ANKRD28: variants seen among roughly 807,000 people sequenced by gnomAD.
The protein encoded by ANKRD28 is ankyrin repeat domain 28.
Under a neutral mutation model 126.5 loss-of-function variants are expected in ANKRD28, and 44 were observed. The ratio of observed to expected loss-of-function variants is 0.35; its 90% CI spans 0.27 to 0.45. The LOEUF (loss-of-function observed/expected upper bound fraction) is 0.45. ANKRD28 is among the 20% of genes least tolerant of loss of function. ANKRD28 has a pLI of 1.00. For missense variants in ANKRD28, 1,110 were observed against 1,316.6 expected (o/e 0.84, Z 2.43); for synonymous variants, 442 against 468.5 (o/e 0.94, Z 0.73).
chr3:15,678,127 G>A, intron 24 of ANKRD28, 82 bp downstream of exon 24: 2 of 1,333,478 alleles, frequency 1.5e-6, no homozygotes, highest in Non-Finnish European at 2.0e-6. Context: ...ATAACTAGTT[G>A]AAGTCAGAAG....
chr3:15,695,112 A>G, intron 16 of ANKRD28, 76 bp downstream of exon 16: 2 of 1,193,868 alleles, frequency 1.7e-6, no homozygotes, highest in Non-Finnish European at 2.5e-6. Context: ...CTCTAATGAG[A>G]GCAAACAGAT....
chr3:15,718,469 C>G (rs909185041), intron 8 of ANKRD28, among the ~76,000 whole-genome samples: 1 of 152,200 alleles, frequency 6.6e-6, no homozygotes, highest in East Asian at 1.9e-4. Context: ...GCATTTTACT[C>G]TAAGTGGGCC....
intron 1 of ANKRD28, among the ~76,000 whole-genome samples, chr3:15,844,730 C>A (rs1238937472): frequency 6.6e-6 from 1 of 151,980 alleles, no homozygotes; most frequent in African/African-American, 2.4e-5. Flanking sequence ...ACAGTCACTG[C>A]ACTTAAATTT....
chr3:15,832,829 T>A (rs2061234700), intron 1 of ANKRD28, among the ~76,000 whole-genome samples: 1 of 152,228 alleles, frequency 6.6e-6, no homozygotes, highest in African/African-American at 2.4e-5. Context: ...TCCAATCTTC[T>A]GTTGATGGAT....
At chr3:15,849,730 G>T (rs1467831371) in intron 1 of ANKRD28, among the ~76,000 whole-genome samples, 1 of 152,032 alleles carries the variant, frequency 6.6e-6, no homozygotes, top group Non-Finnish European at 1.5e-5. Context: ...AAAATTTTCT[G>T]CCCCAGCCAG....
chr3:15,685,333 T>C lies in ANKRD28; in HGVS notation c.2282A>G (p.His761Arg). Residue 761 changes from histidine to arginine, a missense_variant, in exon 21 of 28, where the codon CAC becomes CGC. Coordinates refer to ENST00000683139, the MANE Select transcript of ANKRD28 (RefSeq NM_001349278.2). ...CAAAAGGGCTCCAAGAACACCAATG[T>C]GTCCACAGGCAGCAGACAGGTGTAT... ...TPIHLSAACGHIGVLGALLQS... is the reference protein window; with the variant it reads ...TPIHLSAACGRIGVLGALLQS... The C allele has an allele frequency of 6.2e-7, 1 of 1,614,032 alleles. No homozygotes were observed. The highest frequency in any genetic ancestry group is 8.5e-7 in the Non-Finnish European group (1 of 1,179,888).
intron 1 of ANKRD28, among the ~76,000 whole-genome samples, chr3:15,813,259 G>A (rs755958283): frequency 6.6e-6 from 1 of 151,962 alleles, no homozygotes; most frequent in Non-Finnish European, 1.5e-5. Flanking sequence ...CCAGCTACTC[G>A]GGAGGCTGAG....
chr3:15,805,086 C>CAT (rs1432582339), intron 1 of ANKRD28, among the ~76,000 whole-genome samples: 1 of 145,070 alleles, frequency 6.9e-6, no homozygotes, highest in African/African-American at 2.6e-5. Context: ...AACAGTTACA[C>CAT]ATATGAACTT....
At chr3:15,731,877 G>C (rs1455841071) in intron 6 of ANKRD28, 2 of 94,374 alleles carry the variant, frequency 2.1e-5, no homozygotes, top group Non-Finnish European at 3.9e-5. Flanking sequence ...AAAAAAAAGG[G>C]GGGGGGGGTG....
In ANKRD28 at chr3:15,711,277, A is replaced by G; in HGVS notation, c.1274-3T>C. On this transcript the variant is annotated splice_region_variant and splice_polypyrimidine_tract_variant and intron_variant, in intron 11 of 27. Coordinates refer to ENST00000683139, the MANE Select transcript of ANKRD28 (RefSeq NM_001349278.2). ...ATCTGGGGTATCTATATCAAATCCT[A>G]CAAGAATGAATACATCTTATTTATA... 2 of 1,606,042 alleles carry G rather than the reference A, an allele frequency of 1.2e-6. No individual in the cohort carries two copies. Among genetic ancestry groups the G allele is most frequent in the Non-Finnish European group, 1.7e-6 (2 of 1,173,824 alleles).
At position 15,846,295 on chromosome 3, in the gene ANKRD28, G is replaced by A. The variant is rs2061529235; in HGVS notation, c.27+13082C>T. Among the ~76,000 whole-genome samples the A allele has an allele frequency of 6.6e-6, 1 of 152,144 alleles. No individual in the cohort carries two copies. The highest frequency in any genetic ancestry group is 1.5e-5 in the Non-Finnish European group (1 of 68,026). On this transcript the variant is annotated intron_variant, in intron 1 of 27. Coordinates refer to the ANKRD28 transcript ENST00000399451. The surrounding 1 kb of genome is among the most constrained non-coding windows in gnomAD (Gnocchi z 5.4). The stretch of plus-strand genomic sequence containing the variant: ...ACTGGCCAAAACAAAGAGGCTACTG[G>A]CCCCATGCAAGTCTGAAACCCAGCA...
intron 27 of ANKRD28, among the ~76,000 whole-genome samples, chr3:15,671,422 A>G (rs548590069): frequency 6.6e-6 from 1 of 152,278 alleles, no homozygotes; most frequent in East Asian, 1.9e-4. Context: ...TATAACCACC[A>G]TACAGATTAA....
At chr3:15,767,351 C>T (rs2058786416) in intron 2 of ANKRD28, among the ~76,000 whole-genome samples, 2 of 152,032 alleles carry the variant, frequency 1.3e-5, no homozygotes, top group Admixed American at 6.6e-5. Context: ...AACTTACATC[C>T]CTCATTTTTG....
At chr3:15,736,788 T>C (rs2075044205) in intron 5 of ANKRD28, among the ~76,000 whole-genome samples, 1 of 152,226 alleles carries the variant, frequency 6.6e-6, no homozygotes, top group Non-Finnish European at 1.5e-5. Flanking sequence ...TAATAGAACA[T>C]ACTTTTCCTG....
chr3:15,778,213 A>G (rs2059386957), intron 2 of ANKRD28, among the ~76,000 whole-genome samples: 1 of 152,160 alleles, frequency 6.6e-6, no homozygotes, highest in South Asian at 2.1e-4. Context: ...TGGAGATAGG[A>G]ATCTTGTTTA....
At chr3:15,758,368 T>C (rs1349952264) in intron 3 of ANKRD28, among the ~76,000 whole-genome samples, 1 of 152,176 alleles carries the variant, frequency 6.6e-6, no homozygotes, top group Non-Finnish European at 1.5e-5. Flanking sequence ...TTTCCAACTA[T>C]AATGCTGAAA....
chr3:15,679,798 G>A (rs1213607610), intron 21 of ANKRD28, among the ~76,000 whole-genome samples: 3 of 151,826 alleles, frequency 2.0e-5, no homozygotes, highest in Non-Finnish European at 4.4e-5. Flanking sequence ...CTGTATCCGT[G>A]GGTTCTGCAT....
rs374836369 is a variant in ANKRD28, at chr3:15,786,200, A to C, written c.201+9023T>G. On this transcript the variant is annotated intron_variant, in intron 2 of 27. Coordinates refer to ENST00000683139, the MANE Select transcript of ANKRD28 (RefSeq NM_001349278.2). Reference sequence around the variant, plus strand: ...TTTTTGAGCCATAATGATATGTATTAATGTAGGTACATCAATTTTAACAAA... The same window carrying C: ...TTTTTGAGCCATAATGATATGTATTCATGTAGGTACATCAATTTTAACAAA... 4.3e-4 allele frequency among the ~76,000 whole-genome samples: 66 copies of C among 152,246 alleles called. No homozygotes were observed. The South Asian group carries it at 0.014, about 32-fold the overall frequency.
At chr3:15,673,643 T>C (rs1456833815) in intron 27 of ANKRD28, among the ~76,000 whole-genome samples, 1 of 152,174 alleles carries the variant, frequency 6.6e-6, no homozygotes, top group African/African-American at 2.4e-5. Context: ...TAGTAAAGAA[T>C]AGTTAGAATA....
Sources: allele counts gnomAD v4.1 joint callset (sites outside exome capture counted in the v4.1 genomes callset), GRCh38; gene constraint gnomAD v4.1.1; non-coding constraint Gnocchi (gnomAD v3.1); transcripts MANE v1.5; gene names NCBI Gene and HGNC (gene_info 2026-07-23, HGNC 2026-07-21).